PCNX2: variants seen among roughly 807,000 people sequenced by gnomAD.
PCNX2 encodes pecanex-like protein 2.
Under a neutral mutation model 223.8 loss-of-function variants are expected in PCNX2, and 168 were observed. That is an observed-to-expected ratio of 0.75 (90% CI 0.66 to 0.85). The LOEUF (loss-of-function observed/expected upper bound fraction) is 0.85, where lower values mean the gene tolerates loss of function less well. Among genes scored for constraint, PCNX2 ranks in the 40% least tolerant of loss-of-function variants. The probability of loss-of-function intolerance (pLI) is 0.00; values close to 1 mark genes in which losing one functional copy is unlikely to be tolerated. For synonymous variants in PCNX2, 1,006 were observed against 1,052.6 expected (o/e 0.96, Z 0.86); for missense variants, 2,507 against 2,675.5 (o/e 0.94, Z 1.39).
At chr1:233,244,902 C>T (rs911045778) in intron 8 of PCNX2, among the ~76,000 whole-genome samples, 1 of 152,210 alleles carries the variant, frequency 6.6e-6, no homozygotes, top group African/African-American at 2.4e-5. Context: ...ACTGCTAGTG[C>T]TTCTGGCTCT....
chr1:233,321,013 C>CTTTTTTTTT, the PCNX2 span, among the ~76,000 whole-genome samples: 11 of 70,358 alleles, frequency 1.6e-4, no homozygotes, highest in East Asian at 4.6e-4. Flanking sequence ...AAAATGTCTT[C>CTTTTTTTTT]TTTTTTTTTT....
the PCNX2 span, among the ~76,000 whole-genome samples, chr1:233,313,505 A>T: frequency 2.6e-5 from 4 of 152,214 alleles, no homozygotes; most frequent in Admixed American, 1.3e-4. Flanking sequence ...TAGAAACAAT[A>T]AAGGAACAGA....
At chr1:233,031,791 T>C (rs1671276356) in intron 25 of PCNX2, 1 of 982,592 alleles carries the variant, frequency 1.0e-6, no homozygotes, top group South Asian at 4.7e-5. Flanking sequence ...CATTCTTTTT[T>C]TTTTTTTTTT....
At chr1:233,131,535 A>C (rs1229405876) in intron 21 of PCNX2, among the ~76,000 whole-genome samples, 1 of 152,168 alleles carries the variant, frequency 6.6e-6, no homozygotes, top group Non-Finnish European at 1.5e-5. Context: ...GAAAATCACA[A>C]ACACTCTCTT....
intron 8 of PCNX2, 71 bp from the exon 9 acceptor site, chr1:233,237,051 C>T: frequency 6.3e-7 from 1 of 1,585,116 alleles, no homozygotes; most frequent in Non-Finnish European, 8.6e-7. Context: ...TATACACAAA[C>T]ACAAGGACAA....
Position 233,160,306 on chromosome 1 carries a change from T to C in PCNX2, c.3494A>G (p.Glu1165Gly), listed in dbSNP as rs1436598439. ...ACCTCTCACTTCCCGTTGATGATACTCTTTGTTTTTGAGAATGGGGTGTGA... is the reference window on the plus strand; with the variant it reads ...ACCTCTCACTTCCCGTTGATGATACCCTTTGTTTTTGAGAATGGGGTGTGA... ...WISHPILKNK[E>G]YHQREVRDVA... is the part of the protein sequence containing the mutation. The change falls in exon 19 of 34, where the codon GAG becomes GGG. Residue 1165 changes from glutamate to glycine, a missense_variant. Transcript: ENST00000258229. The C allele has an allele frequency of 1.2e-6, 2 of 1,613,514 alleles. No homozygotes were observed. Among genetic ancestry groups the C allele is most frequent in the Admixed American group, 1.7e-5 (1 of 59,968 alleles).
intron 17 of PCNX2, chr1:233,172,245 G>T: frequency 1.9e-6 from 1 of 530,170 alleles, no homozygotes; most frequent in Non-Finnish European, 2.4e-6. Context: ...TTTATAGTAA[G>T]CTGTGCATTT....
chr1:233,273,181 TA>T (rs557929935), intron 1 of PCNX2, among the ~76,000 whole-genome samples: 1 of 148,008 alleles, frequency 6.8e-6, no homozygotes, highest in East Asian at 2.0e-4. Context: ...AGAGAGGATA[TA>T]AAAAAATAAT....
At chr1:233,173,166 CT>C (rs200540403) in intron 17 of PCNX2, among the ~76,000 whole-genome samples, 13,640 of 145,820 alleles carry the variant, frequency 0.094, 777 homozygotes, top group East Asian at 0.31. Context: ...AGTCTTCACT[CT>C]TTTTTTTTTT....
Position 233,001,536 on chromosome 1 carries a change from C to T in PCNX2, c.5097+1G>A. On this transcript the variant is annotated splice_donor_variant, in intron 29 of 33. Transcript: ENST00000258229. LOFTEE classifies it high-confidence loss of function. The surrounding 1 kb of genome is among the most constrained non-coding windows in gnomAD (Gnocchi z 4.2). The stretch of plus-strand genomic sequence containing the variant: ...AATAAATAAATAAAATAGGTTTTTA[C>T]CTGGTGAAGTTTCAGGGACATCCTG... The T allele has an allele frequency of 7.4e-7, 1 of 1,357,690 alleles. No individual in the cohort carries two copies. Among genetic ancestry groups the T allele is most frequent in the South Asian group, 2.3e-5 (1 of 42,830 alleles). 84.1% of individuals were successfully genotyped at this position (1,357,690 alleles called of 1,614,324 possible).
At chr1:233,005,106 A>G (rs1443432186) in intron 28 of PCNX2, among the ~76,000 whole-genome samples, 1 of 152,252 alleles carries the variant, frequency 6.6e-6, no homozygotes, top group Admixed American at 6.5e-5. Flanking sequence ...GGAAATGCTC[A>G]CAGCATCAGA....
At chr1:233,025,554 G>A (rs923611305) in intron 25 of PCNX2, 155 bp from the exon 26 acceptor site, 19 of 865,912 alleles carry the variant, frequency 2.2e-5, no homozygotes, top group Middle Eastern at 7.0e-4. Context: ...CCCCAAAGAA[G>A]TCACAATTCT....
intron 21 of PCNX2, among the ~76,000 whole-genome samples, chr1:233,102,087 CTTTTTTTT>C (rs201107797): frequency 6.4e-5 from 8 of 125,038 alleles, no homozygotes; most frequent in East Asian, 4.5e-4. Context: ...ATTCATTTTT[CTTTTTTTT>C]TTTTTTTTTT....
At chr1:233,214,972 A>G (rs1682037484) in intron 12 of PCNX2, among the ~76,000 whole-genome samples, 1 of 152,242 alleles carries the variant, frequency 6.6e-6, no homozygotes, top group South Asian at 2.1e-4. Flanking sequence ...GAAGCACGCA[A>G]AAAAGAAAGG....
intron 19 of PCNX2, among the ~76,000 whole-genome samples, chr1:233,152,642 T>C (rs1009173612): frequency 7.2e-6 from 1 of 138,796 alleles, no homozygotes; most frequent in African/African-American, 3.4e-5. Context: ...GGCATTCAGA[T>C]AGCACTATGA....
At chr1:233,027,119 C>CAAG (rs142962934) in intron 25 of PCNX2, among the ~76,000 whole-genome samples, 71,438 of 151,730 alleles carry the variant, frequency 0.47, 20,024 homozygotes, top group African/African-American at 0.79. Flanking sequence ...GAAAGAAAAC[C>CAAG]AAGTCCCAAA....
chr1:233,230,070 T>G (rs1657972839), intron 9 of PCNX2, among the ~76,000 whole-genome samples: 1 of 152,216 alleles, frequency 6.6e-6, no homozygotes, highest in African/African-American at 2.4e-5. Context: ...AAATGCTATA[T>G]GTAATATATG....
chr1:233,313,710 A>G, the PCNX2 span, among the ~76,000 whole-genome samples: 4,114 of 152,298 alleles, frequency 0.027, 169 homozygotes, highest in African/African-American at 0.095. Flanking sequence ...CCTAAACATC[A>G]GTAAGAAAAG....
At position 233,126,462 on chromosome 1, in the gene PCNX2, G is replaced by A. The variant is rs964765747; in HGVS notation, c.3837+8551C>T. The stretch of plus-strand genomic sequence containing the variant: ...TTTTAAGCAAAAATGGAGGTAAAAG[G>A]CAGGTACAGAATGAACCTATTGATA... On this transcript the variant is annotated intron_variant, in intron 21 of 33. Coordinates refer to ENST00000258229, the MANE Select transcript of PCNX2 (RefSeq NM_014801.4). This position sits in a 1 kb window ranked among gnomAD's most constrained non-coding sequence, Gnocchi z 4.8. 1.1e-4 allele frequency among the ~76,000 whole-genome samples: 17 copies of A among 152,122 alleles called. No homozygotes were observed. The highest frequency in any genetic ancestry group is 5.9e-5 in the Non-Finnish European group (4 of 67,986).
Sources: gnomAD v4.1 joint callset for allele counts (sites outside exome capture counted in the v4.1 genomes callset) on GRCh38, gnomAD v4.1.1 for gene constraint, Gnocchi (gnomAD v3.1) non-coding constraint, MANE v1.5 for transcripts, NCBI Gene and HGNC (gene_info 2026-07-23, HGNC 2026-07-21) for gene names.